Variants in PIBF1 observed in about 807,000 individuals in gnomAD.
PIBF1 encodes the protein progesterone-induced-blocking factor 1.
PIBF1 carries 90 observed loss-of-function variants against 112.5 expected under a neutral mutation model. The ratio of observed to expected loss-of-function variants is 0.80; its 90% CI spans 0.67 to 0.95. The LOEUF (loss-of-function observed/expected upper bound fraction) is 0.95, where lower values mean the gene tolerates loss of function less well. PIBF1 is among the 40% of genes least tolerant of loss of function. PIBF1 has a pLI of 0.00. For synonymous variants in PIBF1, 301 were observed against 288.6 expected (o/e 1.04, Z -0.44); for missense variants, 915 against 852.3 (o/e 1.07, Z -0.92).
chr13:72,804,920 A>G (rs1180387410), intron 5 of PIBF1, among the ~76,000 whole-genome samples: 1 of 152,210 alleles, frequency 6.6e-6, no homozygotes, highest in Non-Finnish European at 1.5e-5. Context: ...ACACTGCCAT[A>G]GTAAGTTTCA....
At chr13:72,983,340 C>G (rs2043198852) in intron 16 of PIBF1, among the ~76,000 whole-genome samples, 2 of 152,082 alleles carry the variant, frequency 1.3e-5, no homozygotes, top group African/African-American at 4.8e-5. Context: ...GGGATATCTT[C>G]TATCCTCTCA....
intron 16 of PIBF1, among the ~76,000 whole-genome samples, chr13:72,993,466 G>C (rs984851201): frequency 2.0e-5 from 3 of 152,000 alleles, no homozygotes; most frequent in Non-Finnish European, 4.4e-5. Context: ...CTTAGAAAAA[G>C]GTAAAAAGAT....
chr13:72,844,588 T>G (rs11839523), intron 9 of PIBF1, among the ~76,000 whole-genome samples: 31,764 of 151,984 alleles, frequency 0.21, 3,411 homozygotes, highest in Middle Eastern at 0.27. Flanking sequence ...ACATTCAGTG[T>G]TTCGGTTTTC....
intron 11 of PIBF1, among the ~76,000 whole-genome samples, chr13:72,899,730 A>G (rs1314246054): frequency 6.6e-6 from 1 of 152,208 alleles, no homozygotes; most frequent in Non-Finnish European, 1.5e-5. Context: ...CTCCTCTTCA[A>G]TATAGTACTG....
At chr13:72,865,703 T>C (rs896936647) in intron 10 of PIBF1, among the ~76,000 whole-genome samples, 2 of 152,342 alleles carry the variant, frequency 1.3e-5, no homozygotes, top group African/African-American at 4.8e-5. Flanking sequence ...ACACTGTTAC[T>C]AGAAACGGAG....
At position 72,782,920 on chromosome 13, in the gene PIBF1, T is replaced by TG. The variant is rs144473826; in HGVS notation, c.-47-496dup. ...TGTGTGTGTGTGTTTGTGTTTGTGT[T>TG]GGGGGGGCGGTGAAAGGAGTAACTA... On this transcript the variant is annotated intron_variant, in intron 1 of 17. Coordinates refer to ENST00000326291, the MANE Select transcript of PIBF1 (RefSeq NM_006346.4). Among the ~76,000 whole-genome samples, 1,012 of 150,024 alleles carry TG rather than the reference T, an allele frequency of 6.7e-3. 12 individuals carry two copies. The highest frequency in any genetic ancestry group is 0.022 in the African/African-American group (886 of 40,632).
At chr13:72,987,800 C>A (rs1238291702) in intron 16 of PIBF1, among the ~76,000 whole-genome samples, 6 of 147,832 alleles carry the variant, frequency 4.1e-5, no homozygotes, top group Admixed American at 4.0e-4. Flanking sequence ...GCATGAGCCA[C>A]CATGCCTGGC....
chr13:72,874,459 T>A (rs2039309106), intron 10 of PIBF1, among the ~76,000 whole-genome samples: 1 of 152,180 alleles, frequency 6.6e-6, no homozygotes, highest in Non-Finnish European at 1.5e-5. Context: ...AAGTTCTATG[T>A]TGAAAGAAGA....
At chr13:73,006,015 G>A (rs1210117629) in intron 17 of PIBF1, among the ~76,000 whole-genome samples, 1 of 151,532 alleles carries the variant, frequency 6.6e-6, no homozygotes, top group Non-Finnish European at 1.5e-5. Context: ...CGTCTCCTGG[G>A]TTCAAGCAAT....
At chr13:72,797,800 G>T in intron 4 of PIBF1, 107 bp from the exon 5 acceptor site, 1 of 818,546 alleles carries the variant, frequency 1.2e-6, no homozygotes, top group Non-Finnish European at 1.9e-6. Flanking sequence ...TCTTGTTGTA[G>T]TTTTGTAAAT....
chr13:72,827,850 C>G lies in PIBF1; in HGVS notation c.1033C>G (p.Gln345Glu). 1 of 1,594,728 alleles carries G rather than the reference C, an allele frequency of 6.3e-7. No individual in the cohort carries two copies. The highest frequency in any genetic ancestry group is 8.5e-7 in the Non-Finnish European group (1 of 1,170,396). The change falls in exon 8 of 18, where the codon CAA (glutamine) becomes GAA (glutamate). Residue 345 changes from glutamine to glutamate, a missense_variant. Coordinates refer to ENST00000326291, the MANE Select transcript of PIBF1 (RefSeq NM_006346.4). ...AHEEDRLERLQAQLEESKKAR... is the reference protein window; with the variant it reads ...AHEEDRLERLEAQLEESKKAR... ...TGAAGAGGATCGCCTTGAAAGACTT[C>G]AAGCTCAACTGGAAGAAAGCAAAAA...
intron 16 of PIBF1, among the ~76,000 whole-genome samples, chr13:72,980,419 A>G (rs1431247687): frequency 6.6e-6 from 1 of 152,228 alleles, no homozygotes. Context: ...ACCATTCATA[A>G]CAGAGCCAGT....
intron 16 of PIBF1, among the ~76,000 whole-genome samples, chr13:72,995,042 C>T (rs1257080771): frequency 6.6e-6 from 1 of 152,090 alleles, no homozygotes; most frequent in African/African-American, 2.4e-5. Context: ...TGGCTCACAC[C>T]TGTAATCCCA....
At chr13:72,834,782 G>T (rs182890534) in intron 8 of PIBF1, among the ~76,000 whole-genome samples, 1 of 152,044 alleles carries the variant, frequency 6.6e-6, no homozygotes, top group African/African-American at 2.4e-5. Context: ...AAAAGATCAC[G>T]GTGTGGCTGT....
At chr13:72,907,692 C>A (rs2040748779) in intron 11 of PIBF1, among the ~76,000 whole-genome samples, 1 of 152,066 alleles carries the variant, frequency 6.6e-6, no homozygotes, top group Admixed American at 6.6e-5. Context: ...CTGTAGTAGT[C>A]TGTTGCCTCT....
At chr13:72,958,185 C>T (rs567432905) in intron 14 of PIBF1, among the ~76,000 whole-genome samples, 1 of 151,508 alleles carries the variant, frequency 6.6e-6, no homozygotes, top group East Asian at 1.9e-4. Context: ...AGATCCTGCC[C>T]TCAGAGGTTG....
At chr13:72,842,220 A>G (rs1411776070) in intron 9 of PIBF1, among the ~76,000 whole-genome samples, 1 of 152,212 alleles carries the variant, frequency 6.6e-6, no homozygotes, top group Non-Finnish European at 1.5e-5. Flanking sequence ...TCCATAAAGT[A>G]AAACTACCTT....
chr13:72,997,259 A>G (rs1228110676), intron 16 of PIBF1, among the ~76,000 whole-genome samples: 1 of 152,224 alleles, frequency 6.6e-6, no homozygotes, highest in Non-Finnish European at 1.5e-5. Context: ...TATCTTGGTA[A>G]GTAGAACAGG....
At chr13:72,957,406 C>T (rs1022996209) in intron 14 of PIBF1, among the ~76,000 whole-genome samples, 1 of 152,120 alleles carries the variant, frequency 6.6e-6, no homozygotes, top group Non-Finnish European at 1.5e-5. Context: ...AGTGAAGTAA[C>T]TCAGGAATGG....
Sources: gnomAD v4.1 joint callset for allele counts (sites outside exome capture counted in the v4.1 genomes callset) on GRCh38, gnomAD v4.1.1 for gene constraint, MANE v1.5 for transcripts, NCBI Gene and HGNC (gene_info 2026-07-23, HGNC 2026-07-21) for gene names.